The following CHKA variants were observed in gnomAD, a reference collection of about 807,000 sequenced individuals.
The protein encoded by CHKA is choline kinase alpha.
CHKA carries 34 observed loss-of-function variants against 60.1 expected under a neutral mutation model. The observed-to-expected ratio is 0.57, with a 90% CI of 0.43 to 0.75. The LOEUF (loss-of-function observed/expected upper bound fraction) is 0.75. CHKA is among the 30% of genes least tolerant of loss of function. The pLI is 0.00. For missense variants in CHKA, 563 were observed against 561.3 expected, an observed-to-expected ratio of 1.00 and a Z score of -0.03; for synonymous variants, 217 against 223.1, an observed-to-expected ratio of 0.97 and a Z score of 0.24.
chr11:68,111,674 T>A (rs1000208726), intron 1 of CHKA, among the ~76,000 whole-genome samples: 2 of 152,110 alleles, frequency 1.3e-5, no homozygotes, highest in African/African-American at 2.4e-5. Flanking sequence ...TACACTCACA[T>A]AGTCAACAGA....
chr11:68,109,086 CTTTTTTTTT>C (rs1040771984), intron 1 of CHKA, among the ~76,000 whole-genome samples: 203 of 130,598 alleles, frequency 1.6e-3, no homozygotes, highest in African/African-American at 5.4e-3. Flanking sequence ...TTTTCTTTTC[CTTTTTTTTT>C]TTTTTTTTTT....
intron 1 of CHKA, among the ~76,000 whole-genome samples, chr11:68,106,667 T>C (rs1157843525): frequency 6.6e-6 from 1 of 152,186 alleles, no homozygotes; most frequent in Non-Finnish European, 1.5e-5. Context: ...AATGTAGCAG[T>C]ATCTAACAGA....
At chr11:68,103,418 T>C (rs1857798517) in intron 1 of CHKA, among the ~76,000 whole-genome samples, 1 of 152,060 alleles carries the variant, frequency 6.6e-6, no homozygotes. Context: ...TGACCACCAC[T>C]AGTCATTATT....
Position 68,072,927 on chromosome 11 carries a change from C to T in CHKA, c.630+1790G>A, listed in dbSNP as rs570075719. On this transcript the variant is annotated intron_variant, in intron 4 of 11. Transcript: ENST00000265689. ...GAAAGATCACTTGAGTCCAGGAGTT[C>T]GAGGCTGCAGTGAGCTATGATCATG... Among the ~76,000 whole-genome samples the T allele has an allele frequency of 4.6e-5, 7 of 152,066 alleles. No individual in the cohort carries two copies. In the East Asian group the frequency reaches 9.7e-4, roughly 21 times the overall value.
intron 11 of CHKA, among the ~76,000 whole-genome samples, chr11:68,059,487 T>C (rs1053838718): frequency 6.6e-6 from 1 of 152,232 alleles, no homozygotes; most frequent in South Asian, 2.1e-4. Context: ...TTGATAGGGA[T>C]TTTGTGTAAT....
intron 11 of CHKA, 80 bp downstream of exon 11, chr11:68,061,873 T>A (rs112302040): frequency 2.0e-6 from 2 of 998,278 alleles, no homozygotes; most frequent in East Asian, 2.6e-5. Context: ...AGTCATTTGC[T>A]GCCAACATTC....
chr11:68,060,371 G>A (rs547426699), intron 11 of CHKA, among the ~76,000 whole-genome samples: 16 of 150,838 alleles, frequency 1.1e-4, no homozygotes, highest in South Asian at 2.1e-4. Context: ...GTGCAATGGC[G>A]CCATCTCGGC....
chr11:68,053,982 C>A lies in CHKA; in HGVS notation c.*6G>T, dbSNP rs1565168435. ...AGTGATGAGGTGGATGGAGTCCTCC[C>A]CACAGTCACACCCCAAGCTTCCTCT... On this transcript the variant is annotated 3_prime_UTR_variant, in exon 12 of 12. Coordinates refer to ENST00000265689, the MANE Select transcript of CHKA (RefSeq NM_001277.3). The A allele has an allele frequency of 6.2e-7, 1 of 1,613,138 alleles. No individual in the cohort carries two copies. The highest frequency in any genetic ancestry group is 1.6e-4 in the Middle Eastern group (1 of 6,062).
intron 11 of CHKA, among the ~76,000 whole-genome samples, chr11:68,058,531 A>G (rs1355062541): frequency 2.0e-5 from 3 of 152,180 alleles, no homozygotes; most frequent in African/African-American, 7.2e-5. Context: ...ATCTTACACT[A>G]TTAAACATTT....
intron 1 of CHKA, among the ~76,000 whole-genome samples, chr11:68,119,772 A>G (rs1858539536): frequency 6.6e-6 from 1 of 150,876 alleles, no homozygotes; most frequent in Admixed American, 6.6e-5. Flanking sequence ...CCGGCCCGGG[A>G]ACACATCTTT....
Position 68,070,777 on chromosome 11 carries a change from A to G in CHKA, c.711T>C (p.Gly237=). ...EIAEKMATFH[G]MKMPFNKEPK... is the part of the protein sequence containing the mutation. ...GTTCCTTATTGAATGGCATTTTCATACCATGAAATGTAGCCATTTTCTCGG... is the reference window on the plus strand; with the variant it reads ...GTTCCTTATTGAATGGCATTTTCATGCCATGAAATGTAGCCATTTTCTCGG... Residue 237 remains glycine (G), a synonymous_variant, in exon 5 of 12, where the codon GGT becomes GGC. Coordinates refer to ENST00000265689, the MANE Select transcript of CHKA (RefSeq NM_001277.3). 1 of 1,613,462 alleles carries G rather than the reference A, an allele frequency of 6.2e-7. No individual in the cohort carries two copies. The highest frequency in any genetic ancestry group is 8.5e-7 in the Non-Finnish European group (1 of 1,179,414).
chr11:68,089,604 G>T (rs1243699149), intron 2 of CHKA, among the ~76,000 whole-genome samples: 2 of 152,142 alleles, frequency 1.3e-5, no homozygotes, highest in African/African-American at 4.8e-5. Context: ...AAAGGAATCT[G>T]ATTTGCTTTG....
Position 68,081,605 on chromosome 11 carries a change from C to A in CHKA, c.463-148G>T, listed in dbSNP as rs71459686. 5.7e-4 allele frequency: 350 copies of A among 613,280 alleles called. 2 individuals carry two copies. Among genetic ancestry groups the A allele is most frequent in the Non-Finnish European group, 8.1e-4 (276 of 340,442 alleles). The allele number at this position is 613,280 out of a possible 1,614,324, so 38.0% of individuals were successfully genotyped here. A position where few individuals can be genotyped will look rare whatever the true frequency, so the allele number is the denominator to read the frequency against. ...AGCCCACCGATGTGACGGGCAGCAT[C>A]TAATGCACCAGCAGCCTCCAGCACT... On this transcript the variant is annotated intron_variant, in intron 2 of 11. Transcript: ENST00000265689.
chr11:68,115,416 G>A (rs1858346108), intron 1 of CHKA, among the ~76,000 whole-genome samples: 1 of 152,150 alleles, frequency 6.6e-6, no homozygotes. Context: ...TGTCAATGTA[G>A]GTTCCTCAGT....
chr11:68,075,064 A>C (rs1856745250), intron 3 of CHKA, among the ~76,000 whole-genome samples: 1 of 152,218 alleles, frequency 6.6e-6, no homozygotes, highest in African/African-American at 2.4e-5. Flanking sequence ...TAAGATTTAA[A>C]ATATGAGTTT....
intron 4 of CHKA, among the ~76,000 whole-genome samples, chr11:68,074,146 C>T (rs1295183442): frequency 6.6e-6 from 1 of 152,182 alleles, no homozygotes; most frequent in East Asian, 1.9e-4. Flanking sequence ...GTTACAGCAA[C>T]ATTAAAACTG....
intron 1 of CHKA, among the ~76,000 whole-genome samples, chr11:68,116,202 C>T (rs552627100): frequency 6.6e-6 from 1 of 152,300 alleles, no homozygotes; most frequent in Admixed American, 6.5e-5. Flanking sequence ...CATTGAACTT[C>T]ATGAAATCTT....
intron 7 of CHKA, among the ~76,000 whole-genome samples, 159 bp from the exon 8 acceptor site, chr11:68,066,675 T>C (rs759077054): frequency 2.0e-5 from 3 of 152,202 alleles, no homozygotes; most frequent in African/African-American, 4.8e-5. Context: ...AGCGTAGAAG[T>C]GCTCACGGGA....
intron 4 of CHKA, among the ~76,000 whole-genome samples, chr11:68,072,119 T>C (rs2134547055): frequency 6.6e-6 from 1 of 152,286 alleles, no homozygotes; most frequent in African/African-American, 2.4e-5. Flanking sequence ...ATCTCAGTAT[T>C]CCAAATTCCT....
Sources: gnomAD v4.1 joint callset for allele counts (sites outside exome capture counted in the v4.1 genomes callset) on GRCh38, gnomAD v4.1.1 for gene constraint, MANE v1.5 for transcripts, NCBI Gene and HGNC (gene_info 2026-07-23, HGNC 2026-07-21) for gene names.